The following SPEG variants were observed in gnomAD, a reference collection of about 807,000 sequenced individuals.
The protein encoded by SPEG is striated muscle enriched protein kinase, also known as striated muscle preferentially expressed protein kinase.
Under a neutral mutation model 300.4 loss-of-function variants are expected in SPEG, and 114 were observed. That is an observed-to-expected ratio of 0.38 (90% CI 0.33 to 0.44). The LOEUF (loss-of-function observed/expected upper bound fraction) is 0.44, where lower values mean the gene tolerates loss of function less well. SPEG is among the 20% of genes least tolerant of loss of function. The probability of loss-of-function intolerance (pLI) is 1.00; values close to 1 mark genes in which losing one functional copy is unlikely to be tolerated. For synonymous variants in SPEG, 1,964 were observed against 2,018.9 expected (o/e 0.97, Z 0.73); for missense variants, 4,201 against 4,586.2 (o/e 0.92, Z 2.43).
In SPEG at chr2:219,468,692, A is replaced by G. The variant is rs765621166; in HGVS notation, c.3257A>G (p.Lys1086Arg). 6.2e-7 allele frequency: 1 copy of G among 1,614,160 alleles called. No individual in the cohort carries two copies. The highest frequency in any genetic ancestry group is 2.2e-5 in the East Asian group (1 of 44,888). ...GGCCGAGCTGCCCGTTTCGACTGCAAGATCAGTGGCACCCCGCCCCCTGTT... is the reference window on the plus strand; with the variant it reads ...GGCCGAGCTGCCCGTTTCGACTGCAGGATCAGTGGCACCCCGCCCCCTGTT... ...LEGRAARFDC[K>R]ISGTPPPVVT... The change falls in exon 11 of 41, where the codon AAG becomes AGG. Residue 1086 changes from lysine (K) to arginine (R), a missense_variant. By Grantham distance (26) the Lys-to-Arg change is conservative. This residue lies in a region of SPEG where 1,047 missense variants were observed against 1,356.8 expected (regional missense o/e 0.77). Coordinates refer to ENST00000312358, the MANE Select transcript of SPEG (RefSeq NM_005876.5).
At position 219,477,386 on chromosome 2, in the gene SPEG, G is replaced by A; in HGVS notation, c.4670G>A (p.Cys1557Tyr). 2 of 1,610,028 alleles carry A rather than the reference G, an allele frequency of 1.2e-6. No individual in the cohort carries two copies. Among genetic ancestry groups the A allele is most frequent in the Non-Finnish European group, 8.5e-7 (1 of 1,178,280 alleles). Residue 1557 changes from cysteine (C) to tyrosine (Y), a missense_variant, in exon 20 of 41, where the codon TGC (cysteine) becomes TAC (tyrosine). Transcript: ENST00000312358. The surrounding 1 kb of genome is among the most constrained non-coding windows in gnomAD (Gnocchi z 6.4). The part of the protein sequence containing the change: ...TGAQDGGVYT[C>Y]TAQNLAGEVS... The stretch of plus-strand genomic sequence containing the variant: ...GCCCAGGATGGAGGCGTCTACACCT[G>A]CACCGCCCAGAACCTGGCGGGTGAG...
intron 11 of SPEG, 56 bp from the exon 12 acceptor site, chr2:219,468,803 A>G: frequency 6.2e-7 from 1 of 1,607,996 alleles, no homozygotes; most frequent in South Asian, 1.1e-5. Context: ...GGGTGCACCC[A>G]GAGGGCAGGG....
In SPEG at chr2:219,472,883, C is replaced by A; in HGVS notation, c.3941-7C>A. ...ACAGCAGCCTCTAGTAGCTCCTCTC[C>A]CGCCAGACCCGGACTCCCTGACGTA... On this transcript the variant is annotated splice_region_variant and splice_polypyrimidine_tract_variant and intron_variant, in intron 15 of 40. Transcript: ENST00000312358. The A allele has an allele frequency of 6.4e-7, 1 of 1,568,874 alleles. No homozygotes were observed.
In SPEG at chr2:219,484,763, G is replaced by A. The variant is rs1189560889; in HGVS notation, c.7300G>A (p.Gly2434Arg). ...QRHPAWEARGGDGESSEGGSS... is the reference protein window; with the variant it reads ...QRHPAWEARGRDGESSEGGSS... ...CCACCCGGCCTGGGAGGCCCGCGGC[G>A]GGGACGGAGAGAGCTCGGAGGGCGG... The change falls in exon 30 of 41, where the codon GGG (glycine) becomes AGG (arginine). Residue 2434 changes from glycine (G) to arginine (R), a missense_variant. Physicochemically the swap from Gly to Arg is moderately radical, Grantham distance 125. Around this residue, in one of 4 missense-constraint regions of SPEG, gnomAD observed 1,578 missense variants for 1,506.0 expected, o/e 1.05. Transcript: ENST00000312358. 2.7e-6 allele frequency: 4 copies of A among 1,461,230 alleles called. No homozygotes were observed. The highest frequency in any genetic ancestry group is 5.3e-5 in the Admixed American group (2 of 37,850). The allele number at this position is 1,461,230 out of a possible 1,614,324, so 90.5% of individuals were successfully genotyped here.
intron 36 of SPEG, among the ~76,000 whole-genome samples, 157 bp from the exon 37 acceptor site, chr2:219,490,252 A>G (rs1325101042): frequency 6.6e-6 from 1 of 152,086 alleles, no homozygotes; most frequent in East Asian, 1.9e-4. Context: ...CGAAGGTGGG[A>G]CTCGAACCCT....
chr2:219,437,329 T>G (rs1954744881), intron 1 of SPEG: 1 of 152,082 alleles, frequency 6.6e-6, no homozygotes, highest in African/African-American at 2.4e-5. Context: ...TGGTAAGTGG[T>G]GATGAGGTGT....
intron 6 of SPEG, chr2:219,461,392 C>T (rs958430451): frequency 3.3e-5 from 33 of 999,252 alleles, no homozygotes; most frequent in Middle Eastern, 5.0e-4. Context: ...GGACCGAGGT[C>T]GGGATGTGAC....
Position 219,480,915 on chromosome 2 carries a change from C to T in SPEG, c.5369+218C>T, listed in dbSNP as rs1213574677. On this transcript the variant is annotated intron_variant, in intron 26 of 40. Transcript: ENST00000312358. The surrounding 1 kb of genome is among the most constrained non-coding windows in gnomAD (Gnocchi z 5.3). The stretch of plus-strand genomic sequence containing the variant: ...GGTGGGCACCCTAGATGGAGAGAGC[C>T]CAGCGCAGGCTCAGGGCCATGGAGG... 6.6e-6 allele frequency among the ~76,000 whole-genome samples: 1 copy of T among 152,038 alleles called. No individual in the cohort carries two copies. The highest frequency in any genetic ancestry group is 2.4e-5 in the African/African-American group (1 of 41,394).
Position 219,451,347 on chromosome 2 carries a change from G to A in SPEG, c.2257+68G>A. On this transcript the variant is annotated intron_variant, in intron 5 of 40. Transcript: ENST00000312358. The surrounding 1 kb of genome is among the most constrained non-coding windows in gnomAD (Gnocchi z 6.4). ...GGGGTGTGTGAGAAGGGAAGGGGAG[G>A]TTCCCCCGGACTCCTCCAAGGGAGG... is the stretch of plus-strand genomic sequence containing the variant. The A allele has an allele frequency of 1.3e-6, 2 of 1,527,394 alleles. No individual in the cohort carries two copies. Among genetic ancestry groups the A allele is most frequent in the Non-Finnish European group, 1.8e-6 (2 of 1,138,440 alleles). 94.6% of individuals were successfully genotyped at this position (1,527,394 alleles called of 1,614,324 possible).
chr2:219,478,176 CA>C, intron 22 of SPEG, 71 bp downstream of exon 22: 1 of 1,342,468 alleles, frequency 7.4e-7, no homozygotes, highest in Admixed American at 1.9e-5. Context: ...ATCCAATAGG[CA>C]ACATGTTTTA....
At position 219,484,870 on chromosome 2, in the gene SPEG, G is replaced by A. The variant is rs1399780667; in HGVS notation, c.7407G>A (p.Gln2469=). The A allele has an allele frequency of 6.6e-7, 1 of 1,524,620 alleles. No homozygotes were observed. The highest frequency in any genetic ancestry group is 8.7e-7 in the Non-Finnish European group (1 of 1,143,444). 94.4% of individuals were successfully genotyped at this position (1,524,620 alleles called of 1,614,324 possible). A position where few individuals can be genotyped will look rare whatever the true frequency, so the allele number is the denominator to read the frequency against. Residue 2469 remains glutamine, a synonymous_variant, in exon 30 of 41, where the codon CAG becomes CAA. Coordinates refer to ENST00000312358, the MANE Select transcript of SPEG (RefSeq NM_005876.5). The part of the protein sequence containing the change: ...FTLERLSSRL[Q]RSGSSEDSGG... ...TGGAGCGGCTGTCCAGCCGATTGCAGCGCAGTGGCAGCAGCGAGGACTCGG... is the reference window on the plus strand; with the variant it reads ...TGGAGCGGCTGTCCAGCCGATTGCAACGCAGTGGCAGCAGCGAGGACTCGG...
Position 219,447,969 on chromosome 2 carries a change from T to C in SPEG, c.816-5T>C. The C allele has an allele frequency of 6.2e-7, 1 of 1,612,266 alleles. No individual in the cohort carries two copies. The highest frequency in any genetic ancestry group is 2.2e-5 in the East Asian group (1 of 44,858). On this transcript the variant is annotated splice_polypyrimidine_tract_variant and splice_region_variant and intron_variant, in intron 3 of 40. Transcript: ENST00000312358. ...CCTCTACCCTTCTCCATCTTGGTTC[T>C]GCAGCAGCGTCCCTCAGAGCGGGTT...
At chr2:219,462,091 T>C in intron 7 of SPEG, 34 bp downstream of exon 7, 1 of 1,540,012 alleles carries the variant, frequency 6.5e-7, no homozygotes, top group Non-Finnish European at 8.8e-7. Context: ...TAGCCTCCTG[T>C]GTGCCCCCGT....
At chr2:219,460,843 C>A (rs558148351) in intron 6 of SPEG, 1 of 986,150 alleles carries the variant, frequency 1.0e-6, no homozygotes, top group Non-Finnish European at 1.2e-6. Flanking sequence ...CTGGGTCAGC[C>A]GAGTGAGTGG....
Position 219,473,242 on chromosome 2 carries a change from T to C in SPEG, c.4147+146T>C. ...GCGGGACCTTGGCCCATCTGTACAC[T>C]TCCTTCTCCCTCCTGAAAGCAGCAG... On this transcript the variant is annotated intron_variant, in intron 16 of 40. Transcript: ENST00000312358. This position sits in a 1 kb window ranked among gnomAD's most constrained non-coding sequence, Gnocchi z 4.6. The C allele has an allele frequency of 1.2e-6, 1 of 823,124 alleles. No individual in the cohort carries two copies. The highest frequency in any genetic ancestry group is 1.7e-5 in the African/African-American group (1 of 58,416). The allele number at this position is 823,124 out of a possible 1,614,324, so 51.0% of individuals were successfully genotyped here.
rs777842393 is a variant in SPEG, at chr2:219,467,199, C to T, written c.2907C>T (p.Ala969=). 16 of 1,588,066 alleles carry T rather than the reference C, an allele frequency of 1.0e-5. No homozygotes were observed. The highest frequency in any genetic ancestry group is 4.5e-5 in the East Asian group (2 of 44,538). ...VRAHPESRSL[A]VLAPLQDVDV... ...CACACCCTGAAAGCCGGTCCCTGGC[C>T]GTGCTGGCCCCCCTGCAGGACGTGG... Residue 969 remains alanine (A), a synonymous_variant, in exon 10 of 41, where the codon GCC becomes GCT. Transcript: ENST00000312358.
chr2:219,471,665 G>A, intron 13 of SPEG: 1 of 615,508 alleles, frequency 1.6e-6, no homozygotes, highest in Non-Finnish European at 2.8e-6. Context: ...ATGTAGACTT[G>A]GAAGCCAGCC....
At chr2:219,491,977 A>T (rs1269828510) in intron 39 of SPEG, 108 bp downstream of exon 39, 1 of 1,338,704 alleles carries the variant, frequency 7.5e-7, no homozygotes, top group Non-Finnish European at 1.0e-6. Context: ...CTGTACACAC[A>T]TCCACACTGC....
At chr2:219,466,346 C>T in intron 9 of SPEG, 1 of 1,401,616 alleles carries the variant, frequency 7.1e-7, no homozygotes, top group African/African-American at 1.4e-5. Flanking sequence ...GGGTATCAAC[C>T]CCCCGAGTCT....
Sources: gnomAD v4.1 joint callset for allele counts (sites outside exome capture counted in the v4.1 genomes callset) on GRCh38, gnomAD v4.1.1 for gene constraint, gnomAD v4.1.1 regional missense constraint, Gnocchi (gnomAD v3.1) non-coding constraint, MANE v1.5 for transcripts, NCBI Gene and HGNC (gene_info 2026-07-23, HGNC 2026-07-21) for gene names.